Variants in AKAP12 observed in about 807,000 individuals in gnomAD.
AKAP12 encodes the protein A-kinase anchoring protein 12.
In AKAP12, 32 loss-of-function variants were observed where a neutral mutation model predicts 79.9. The observed-to-expected ratio is 0.40, with a 90% CI of 0.30 to 0.54. AKAP12 has a LOEUF of 0.54. Among genes scored for constraint, AKAP12 ranks in the 20% least tolerant of loss-of-function variants. The pLI is 0.48. For missense variants in AKAP12, 2,074 were observed against 2,177.0 expected (o/e 0.95, Z 0.94); for synonymous variants, 808 against 857.0 (o/e 0.94, Z 1.00).
chr6:151,315,023 C>A (rs1777203796), intron 3 of AKAP12, among the ~76,000 whole-genome samples: 1 of 151,040 alleles, frequency 6.6e-6, no homozygotes, highest in Non-Finnish European at 1.5e-5. Context: ...TTGCACTCCA[C>A]CCTGGGCAAC....
At position 151,318,533 on chromosome 6, in the gene AKAP12, A is replaced by G. The variant is rs541502122; in HGVS notation, c.319+12630A>G. Among the ~76,000 whole-genome samples, 7 of 152,356 alleles carry G rather than the reference A, an allele frequency of 4.6e-5. No individual in the cohort carries two copies. In the East Asian group the frequency reaches 1.4e-3, roughly 29 times the overall value. ...CGAGTCTTCATCCCTTATGTAGCTC[A>G]TGGACTCCTTTTGGTCTTCAGTTTT... On this transcript the variant is annotated intron_variant, in intron 3 of 4. Coordinates refer to ENST00000402676, the MANE Select transcript of AKAP12 (RefSeq NM_005100.4).
intron 2 of AKAP12, among the ~76,000 whole-genome samples, chr6:151,241,409 C>T (rs1442270927): frequency 6.6e-6 from 1 of 152,254 alleles, no homozygotes; most frequent in African/African-American, 2.4e-5. Flanking sequence ...CTCGCGTTCG[C>T]TCAGCGCTTT....
chr6:151,254,495 G>A (rs1797251583), intron 2 of AKAP12, among the ~76,000 whole-genome samples: 1 of 152,090 alleles, frequency 6.6e-6, no homozygotes, highest in Non-Finnish European at 1.5e-5. Flanking sequence ...GGGATTACAG[G>A]CATGCGCCAC....
At chr6:151,257,341 G>A (rs1797322111) in intron 2 of AKAP12, among the ~76,000 whole-genome samples, 3 of 152,070 alleles carry the variant, frequency 2.0e-5, no homozygotes, top group African/African-American at 7.2e-5. Context: ...CTGTCGCCCA[G>A]GCTGGAGTGC....
Position 151,352,905 on chromosome 6 carries a change from C to G in AKAP12, c.4514C>G (p.Thr1505Ser), listed in dbSNP as rs1011878264. 2.2e-5 allele frequency: 35 copies of G among 1,614,060 alleles called. No individual in the cohort carries two copies. The highest frequency in any genetic ancestry group is 2.7e-5 in the Non-Finnish European group (32 of 1,180,058). The part of the protein sequence containing the change: ...GLSSDLEGEK[T>S]TSLKWKSDEV... ...AGTTCCGACCTGGAAGGAGAGAAAA[C>G]CACATCACTGAAGTGGAAGTCAGAT... The change falls in exon 4 of 5, where the codon ACC (threonine) becomes AGC (serine). Residue 1505 changes from threonine to serine, a missense_variant. Thr to Ser is a moderately conservative substitution (Grantham distance 58). Coordinates refer to ENST00000402676, the MANE Select transcript of AKAP12 (RefSeq NM_005100.4).
chr6:151,339,368 G>A (rs1050733960), intron 3 of AKAP12, among the ~76,000 whole-genome samples: 1 of 152,190 alleles, frequency 6.6e-6, no homozygotes, highest in Non-Finnish European at 1.5e-5. Flanking sequence ...GCCCTCCTGA[G>A]ATACCACACA....
At chr6:151,315,972 T>A (rs1777224538) in intron 3 of AKAP12, among the ~76,000 whole-genome samples, 1 of 152,184 alleles carries the variant, frequency 6.6e-6, no homozygotes, top group Admixed American at 6.5e-5. Context: ...GCCCCCATGA[T>A]TAAATTTCCT....
Position 151,279,797 on chromosome 6 carries a change from C to T in AKAP12, c.163-25950C>T, listed in dbSNP as rs1044774246. Among the ~76,000 whole-genome samples, 33 of 151,894 alleles carry T rather than the reference C, an allele frequency of 2.2e-4. 1 individual carries two copies. The highest frequency in any genetic ancestry group is 7.5e-4 in the African/African-American group (31 of 41,444). On this transcript the variant is annotated intron_variant, in intron 2 of 4. Coordinates refer to ENST00000402676, the MANE Select transcript of AKAP12 (RefSeq NM_005100.4). Reference sequence around the variant, plus strand: ...GGAGGTTGAGTCTGCAGTGAGCTAACGATTGCACCACTGCACTCCATCCTG... The same window carrying T: ...GGAGGTTGAGTCTGCAGTGAGCTAATGATTGCACCACTGCACTCCATCCTG...
chr6:151,303,220 T>A (rs746621723), intron 2 of AKAP12, among the ~76,000 whole-genome samples: 1 of 152,130 alleles, frequency 6.6e-6, no homozygotes, highest in African/African-American at 2.4e-5. Flanking sequence ...AGAAATACTC[T>A]GACATTTTTG....
At position 151,350,460 on chromosome 6, in the gene AKAP12, A is replaced by G; in HGVS notation, c.2069A>G (p.Lys690Arg). ...EALICVGSSK[K>R]RARRGSSSDE... ...TTAATTTGTGTGGGATCATCCAAGA[A>G]AAGAGCAAGGAGAGGGTCCTCTTCT... The change falls in exon 4 of 5, where the codon AAA becomes AGA. Residue 690 changes from lysine (K) to arginine (R), a missense_variant. This residue lies in a region of AKAP12 where 1,428 missense variants were observed against 1,451.0 expected (regional missense o/e 0.98). Transcript: ENST00000402676. This position sits in a 1 kb window ranked among gnomAD's most constrained non-coding sequence, Gnocchi z 4.8. The G allele has an allele frequency of 6.2e-7, 1 of 1,614,150 alleles. No homozygotes were observed. Among genetic ancestry groups the G allele is most frequent in the Non-Finnish European group, 8.5e-7 (1 of 1,180,048 alleles).
chr6:151,252,203 T>TTTC (rs1797192135), intron 2 of AKAP12, among the ~76,000 whole-genome samples: 2 of 150,708 alleles, frequency 1.3e-5, no homozygotes, highest in African/African-American at 4.9e-5. Flanking sequence ...TTCTTTCTTT[T>TTTC]TTTTTTTTTT....
chr6:151,299,158 GT>G (rs766538483), intron 2 of AKAP12, among the ~76,000 whole-genome samples: 97 of 152,340 alleles, frequency 6.4e-4, no homozygotes, highest in Non-Finnish European at 1.2e-3. Flanking sequence ...CCCGTTCAAT[GT>G]TTTTGATGAA....
In AKAP12 at chr6:151,351,077, G is replaced by T; in HGVS notation, c.2686G>T (p.Val896Phe). Reference sequence around the variant, plus strand: ...TCAGGTTCATATGATGGCAGCAGCTGTCGCTGACGGGACGAGGGCAGCTAC... The same window carrying T: ...TCAGGTTCATATGATGGCAGCAGCTTTCGCTGACGGGACGAGGGCAGCTAC... ...ESQVHMMAAA[V>F]ADGTRAATII... Residue 896 changes from valine (V) to phenylalanine (F), a missense_variant, in exon 4 of 5, where the codon GTC becomes TTC. This residue lies in a region of AKAP12 where 1,428 missense variants were observed against 1,451.0 expected (regional missense o/e 0.98). Coordinates refer to ENST00000402676, the MANE Select transcript of AKAP12 (RefSeq NM_005100.4). The surrounding 1 kb of genome is among the most constrained non-coding windows in gnomAD (Gnocchi z 4.4). The T allele has an allele frequency of 6.2e-7, 1 of 1,614,212 alleles. No individual in the cohort carries two copies. The highest frequency in any genetic ancestry group is 8.5e-7 in the Non-Finnish European group (1 of 1,180,046).
chr6:151,304,488 C>CAAAAAAAAAAAAA lies in AKAP12; in HGVS notation c.163-1240_163-1228dup, dbSNP rs1157088954. On this transcript the variant is annotated intron_variant, in intron 2 of 4. Transcript: ENST00000402676. Reference sequence around the variant, plus strand: ...TGGGTGAAACAGTGACACTCCATCTCAAAAAAAAAAAAAAAAAAAAAAAAA... The same window carrying CAAAAAAAAAAAAA: ...TGGGTGAAACAGTGACACTCCATCTCAAAAAAAAAAAAAAAAAAAAAAAAAAAAAAAAAAAAAA... 3.0e-3 allele frequency among the ~76,000 whole-genome samples: 140 copies of CAAAAAAAAAAAAA among 45,992 alleles called. 10 individuals are homozygous for CAAAAAAAAAAAAA. The highest frequency in any genetic ancestry group is 5.6e-3 in the East Asian group (6 of 1,072). The allele number at this position is 45,992 out of a possible 152,430, so 30.2% of individuals were successfully genotyped here.
intron 2 of AKAP12, among the ~76,000 whole-genome samples, chr6:151,274,379 T>C (rs938780525): frequency 6.6e-6 from 1 of 152,072 alleles, no homozygotes; most frequent in Admixed American, 6.5e-5. Context: ...GCACCCGGCC[T>C]ACCTTCAGTT....
chr6:151,307,141 A>C (rs1408493591), intron 3 of AKAP12, among the ~76,000 whole-genome samples: 1 of 152,214 alleles, frequency 6.6e-6, no homozygotes. Context: ...GTAAACAAGG[A>C]ATGTCAGCAA....
At chr6:151,316,577 G>T (rs1453728882) in intron 3 of AKAP12, among the ~76,000 whole-genome samples, 1 of 152,134 alleles carries the variant, frequency 6.6e-6, no homozygotes, top group Non-Finnish European at 1.5e-5. Context: ...TCGTCACATG[G>T]TCTTTCCTCT....
At chr6:151,343,715 C>T (rs1481961058) in intron 3 of AKAP12, among the ~76,000 whole-genome samples, 2 of 151,966 alleles carry the variant, frequency 1.3e-5, no homozygotes, top group Non-Finnish European at 2.9e-5. Context: ...ACCCAGGAGG[C>T]GGAGGTTGCA....
In AKAP12 at chr6:151,352,364, C is replaced by T; in HGVS notation, c.3973C>T (p.His1325Tyr). The change falls in exon 4 of 5, where the codon CAC becomes TAC. Residue 1325 changes from histidine (H) to tyrosine (Y), a missense_variant. By Grantham distance (83) the His-to-Tyr change is moderately conservative. Transcript: ENST00000402676. The part of the protein sequence containing the change: ...KKDDALELQS[H>Y]AKSPPSPVER... ...GGATGATGCTCTTGAACTGCAGAGT[C>T]ACGCTAAGTCTCCTCCATCCCCCGT... 6.2e-7 allele frequency: 1 copy of T among 1,614,168 alleles called. No homozygotes were observed. The highest frequency in any genetic ancestry group is 8.5e-7 in the Non-Finnish European group (1 of 1,180,038).
Sources: allele counts gnomAD v4.1 joint callset (sites outside exome capture counted in the v4.1 genomes callset), GRCh38; gene constraint gnomAD v4.1.1; regional missense constraint gnomAD v4.1.1; non-coding constraint Gnocchi (gnomAD v3.1); transcripts MANE v1.5; gene names NCBI Gene and HGNC (gene_info 2026-07-23, HGNC 2026-07-21).